MAP4K4: variants seen among roughly 807,000 people sequenced by gnomAD.
The protein encoded by MAP4K4 is HPK/GCK-like kinase HGK.
Under a neutral mutation model 189.6 loss-of-function variants are expected in MAP4K4, and 38 were observed. That is an observed-to-expected ratio of 0.20 (90% CI 0.15 to 0.26). The LOEUF is 0.26. Ranked by LOEUF, MAP4K4 falls within the 10% of genes least tolerant of loss-of-function variation. MAP4K4 has a pLI of 1.00. For missense variants in MAP4K4, 1,054 were observed against 1,726.9 expected, an observed-to-expected ratio of 0.61 and a Z score of 6.91; for synonymous variants, 610 against 624.3, an observed-to-expected ratio of 0.98 and a Z score of 0.34.
At position 101,775,298 on chromosome 2, in the gene MAP4K4, G is replaced by T. The variant is rs926799695; in HGVS notation, c.124-15422G>T. Among the ~76,000 whole-genome samples, 4 of 151,376 alleles carry T rather than the reference G, an allele frequency of 2.6e-5. No individual in the cohort carries two copies. The East Asian group carries it at 7.9e-4, about 30-fold the overall frequency. On this transcript the variant is annotated intron_variant, in intron 2 of 32. Transcript: ENST00000324219. ...ATCCATCACAGAGGCTGTTGAGTCA[G>T]CTCTTAGGTCATATTTAGCCTCCTC...
chr2:101,797,256 C>T, intron 3 of MAP4K4: 1 of 1,290,614 alleles, frequency 7.7e-7, no homozygotes, highest in Non-Finnish European at 1.0e-6. Flanking sequence ...TCCTCAGAGG[C>T]CAGCTAAATG....
chr2:101,715,415 A>C (rs765166481), intron 2 of MAP4K4, among the ~76,000 whole-genome samples: 2 of 152,198 alleles, frequency 1.3e-5, no homozygotes, highest in Non-Finnish European at 2.9e-5. Context: ...AATACTGTAA[A>C]GTTTTTCTTG....
chr2:101,819,240 T>C (rs982609318), intron 3 of MAP4K4, among the ~76,000 whole-genome samples: 13 of 149,892 alleles, frequency 8.7e-5, no homozygotes, highest in African/African-American at 3.2e-4. Context: ...GTGTATGTAC[T>C]TAAGTGCTGG....
At chr2:101,797,286 G>T (rs771604508) in intron 3 of MAP4K4, 1 of 1,290,658 alleles carries the variant, frequency 7.7e-7, no homozygotes, top group African/African-American at 1.5e-5. Context: ...TTACAGCTTC[G>T]TACTGGCTTC....
At chr2:101,750,824 TAAA>T (rs201890890) in intron 2 of MAP4K4, among the ~76,000 whole-genome samples, 3 of 134,200 alleles carry the variant, frequency 2.2e-5, no homozygotes, top group African/African-American at 2.7e-5. Flanking sequence ...AGACCCTGTC[TAAA>T]AAAAAAAAAA....
chr2:101,837,775 C>A (rs2096801838), intron 9 of MAP4K4, among the ~76,000 whole-genome samples: 1 of 152,158 alleles, frequency 6.6e-6, no homozygotes, highest in Admixed American at 6.5e-5. Flanking sequence ...TTCAGGGTAC[C>A]TCATACTCTG....
At chr2:101,844,600 C>T (rs1230539639) in intron 12 of MAP4K4, among the ~76,000 whole-genome samples, 1 of 152,208 alleles carries the variant, frequency 6.6e-6, no homozygotes, top group Non-Finnish European at 1.5e-5. Flanking sequence ...CCAAAGATGG[C>T]ATCAGACCAG....
At chr2:101,730,418 T>TC (rs2057904469) in intron 2 of MAP4K4, among the ~76,000 whole-genome samples, 1 of 152,074 alleles carries the variant, frequency 6.6e-6, no homozygotes, top group African/African-American at 2.4e-5. Flanking sequence ...GTTTTTCAGA[T>TC]CATATGTTGG....
chr2:101,709,278 C>T (rs1222351301), intron 2 of MAP4K4, among the ~76,000 whole-genome samples: 2 of 152,228 alleles, frequency 1.3e-5, no homozygotes, highest in Non-Finnish European at 2.9e-5. Context: ...TCTTGGCTCA[C>T]TGCAGCCTCC....
intron 31 of MAP4K4, 26 bp from the exon 32 acceptor site, chr2:101,888,770 G>A (rs2098524419): frequency 1.9e-6 from 3 of 1,563,864 alleles, no homozygotes. Context: ...ATCTTTAACG[G>A]TTTGCAATTT....
chr2:101,893,087 C>T, exon 33 of MAP4K4: 1 of 456,410 alleles, frequency 2.2e-6, no homozygotes, highest in Non-Finnish European at 4.4e-6. Context: ...CCATTTGTAC[C>T]TGTTTGCTTC....
intron 2 of MAP4K4, among the ~76,000 whole-genome samples, chr2:101,753,092 T>G (rs1364757085): frequency 1.3e-5 from 2 of 152,236 alleles, no homozygotes; most frequent in Admixed American, 6.5e-5. Context: ...AATATCTCAT[T>G]TAATCTCTCA....
rs1438652396 is a variant in MAP4K4, at chr2:101,846,394, G to A, written c.1233+2083G>A. ...TCCCGGCCTGTACTTTCCTTAAGCA[G>A]GTGGCATAGACTACTTTGGTGGTTT... On this transcript the variant is annotated intron_variant, in intron 12 of 32. Transcript: ENST00000324219. Among the ~76,000 whole-genome samples the A allele has an allele frequency of 2.0e-5, 3 of 152,126 alleles. No homozygotes were observed. In the East Asian group the frequency reaches 5.8e-4, roughly 29 times the overall value.
chr2:101,891,435 T>C, exon 33 of MAP4K4: 1 of 537,158 alleles, frequency 1.9e-6, no homozygotes, highest in Non-Finnish European at 3.3e-6. Context: ...CCCCATTCTT[T>C]TTTTTTTTCT....
chr2:101,831,071 T>TGG (rs2149419457), intron 6 of MAP4K4, among the ~76,000 whole-genome samples: 1 of 152,304 alleles, frequency 6.6e-6, no homozygotes, highest in Admixed American at 6.5e-5. Flanking sequence ...CAGGGAGTGA[T>TGG]GGGAGGCATT....
At chr2:101,836,958 C>G (rs1255177336) in intron 9 of MAP4K4, among the ~76,000 whole-genome samples, 1 of 151,660 alleles carries the variant, frequency 6.6e-6, no homozygotes, top group Non-Finnish European at 1.5e-5. Flanking sequence ...AATTTTGCCC[C>G]CTCTTTCCCT....
At chr2:101,727,324 C>T (rs1420367927) in intron 2 of MAP4K4, among the ~76,000 whole-genome samples, 1 of 152,194 alleles carries the variant, frequency 6.6e-6, no homozygotes, top group Admixed American at 6.5e-5. Flanking sequence ...TTCTGCAAAA[C>T]TCAGTGGACT....
chr2:101,801,253 A>G (rs915258927), intron 3 of MAP4K4, among the ~76,000 whole-genome samples: 6 of 152,176 alleles, frequency 3.9e-5, no homozygotes, highest in South Asian at 2.1e-4. Flanking sequence ...ACCATCCTCA[A>G]TTTCGATTCC....
chr2:101,865,621 T>C (rs2097788235), intron 18 of MAP4K4, among the ~76,000 whole-genome samples: 1 of 152,230 alleles, frequency 6.6e-6, no homozygotes, highest in Non-Finnish European at 1.5e-5. Flanking sequence ...TAGCCACATA[T>C]AGCTAGTGGC....
Sources: gnomAD v4.1 joint callset for allele counts (sites outside exome capture counted in the v4.1 genomes callset) on GRCh38, gnomAD v4.1.1 for gene constraint, MANE v1.5 for transcripts, NCBI Gene and HGNC (gene_info 2026-07-23, HGNC 2026-07-21) for gene names.